Variants in SLC9C2 observed in about 807,000 individuals in gnomAD.
SLC9C2 encodes the protein solute carrier family 9 member C2 (putative).
In SLC9C2, 75 loss-of-function variants were observed where a neutral mutation model predicts 140.2. That is an observed-to-expected ratio of 0.53 (90% CI 0.44 to 0.65). The LOEUF is 0.65. SLC9C2 is among the 30% of genes least tolerant of loss of function. The pLI is 0.00. For synonymous variants in SLC9C2, 375 were observed against 420.9 expected, an observed-to-expected ratio of 0.89 and a Z score of 1.34; for missense variants, 1,074 against 1,331.8, an observed-to-expected ratio of 0.81 and a Z score of 3.01.
At chr1:173,539,309 T>A (rs1662202629) in intron 13 of SLC9C2, among the ~76,000 whole-genome samples, 1 of 152,184 alleles carries the variant, frequency 6.6e-6, no homozygotes, top group Admixed American at 6.5e-5. Context: ...AGGGGACCAA[T>A]TGAAAGTTAT....
intron 13 of SLC9C2, 100 bp from the exon 14 acceptor site, chr1:173,537,139 T>C: frequency 3.6e-6 from 3 of 826,186 alleles, no homozygotes; most frequent in Non-Finnish European, 5.9e-6. Context: ...CTGAACTCAA[T>C]ATATCAAAAT....
chr1:173,546,497 C>G (rs965678330), intron 13 of SLC9C2, among the ~76,000 whole-genome samples: 26 of 152,358 alleles, frequency 1.7e-4, no homozygotes, highest in Admixed American at 1.0e-3. Context: ...ACAAGAATCT[C>G]TTGAACCCAG....
chr1:173,598,409 G>A (rs1645299189), intron 3 of SLC9C2, among the ~76,000 whole-genome samples: 1 of 152,150 alleles, frequency 6.6e-6, no homozygotes, highest in African/African-American at 2.4e-5. Flanking sequence ...CTTTAGATGA[G>A]GGAAAGAATC....
intron 5 of SLC9C2, 39 bp from the exon 6 acceptor site, chr1:173,583,661 A>C (rs200227464): frequency 7.9e-6 from 8 of 1,017,102 alleles, no homozygotes; most frequent in East Asian, 5.2e-5. Flanking sequence ...AATATGCTAC[A>C]TGAAAATAAT....
intron 10 of SLC9C2, among the ~76,000 whole-genome samples, chr1:173,555,724 G>A (rs1449649880): frequency 1.3e-5 from 2 of 152,116 alleles, no homozygotes; most frequent in Non-Finnish European, 2.9e-5. Context: ...CAAAACCACT[G>A]GTTATTTGAA....
At chr1:173,503,754 C>T (rs1659441689) in intron 26 of SLC9C2, among the ~76,000 whole-genome samples, 1 of 152,134 alleles carries the variant, frequency 6.6e-6, no homozygotes, top group African/African-American at 2.4e-5. Flanking sequence ...ACATTTGTTT[C>T]TACTTGGCAA....
chr1:173,534,711 T>A (rs1661819681), intron 15 of SLC9C2, 29 bp from the exon 16 acceptor site: 1 of 1,398,614 alleles, frequency 7.1e-7, no homozygotes, highest in South Asian at 1.5e-5. Context: ...AAATGTTAGA[T>A]CACTTAAAAG....
intron 18 of SLC9C2, among the ~76,000 whole-genome samples, chr1:173,529,399 T>G (rs1449949623): frequency 1.3e-5 from 2 of 152,058 alleles, no homozygotes; most frequent in Non-Finnish European, 2.9e-5. Context: ...TAGGCTCCCA[T>G]CTAGTACTTA....
At chr1:173,599,361 G>GTTTTTTTTTTT (rs1558103752) in intron 3 of SLC9C2, among the ~76,000 whole-genome samples, 1 of 50,382 alleles carries the variant, frequency 2.0e-5, no homozygotes, top group African/African-American at 7.5e-5. Context: ...CATTTTCCTT[G>GTTTTTTTTTTT]ATTTTTTTTT....
intron 9 of SLC9C2, among the ~76,000 whole-genome samples, chr1:173,564,495 C>G (rs1351988035): frequency 6.6e-6 from 1 of 152,130 alleles, no homozygotes; most frequent in Non-Finnish European, 1.5e-5. Flanking sequence ...GCCATCTGTA[C>G]GTCTTCTTTA....
Position 173,564,737 on chromosome 1 carries a change from A to C in SLC9C2, c.1047-7229T>G, listed in dbSNP as rs752169843. ...ACTGCAAGCTCTGCCTCCCGGGTTCATGCCATTCTCCTGCCTCAGCCTCCC... is the reference window on the plus strand; with the variant it reads ...ACTGCAAGCTCTGCCTCCCGGGTTCCTGCCATTCTCCTGCCTCAGCCTCCC... On this transcript the variant is annotated intron_variant, in intron 9 of 27. Coordinates refer to ENST00000367714, the MANE Select transcript of SLC9C2 (RefSeq NM_178527.4). Among the ~76,000 whole-genome samples, 232 of 144,576 alleles carry C rather than the reference A, an allele frequency of 1.6e-3. 1 individual carries two copies. The highest frequency in any genetic ancestry group is 5.1e-4 in the Non-Finnish European group (34 of 66,994). 94.8% of individuals were successfully genotyped at this position (144,576 alleles called of 152,430 possible).
intron 8 of SLC9C2, among the ~76,000 whole-genome samples, chr1:173,575,983 A>G (rs539644157): frequency 6.6e-6 from 1 of 152,366 alleles, no homozygotes; most frequent in African/African-American, 2.4e-5. Flanking sequence ...TAGAACGGAC[A>G]TAATTTCATA....
At chr1:173,581,179 G>T (rs1259582826) in intron 7 of SLC9C2, among the ~76,000 whole-genome samples, 1 of 152,190 alleles carries the variant, frequency 6.6e-6, no homozygotes, top group Non-Finnish European at 1.5e-5. Flanking sequence ...TTGCTTCACT[G>T]TCTGAGATGA....
At chr1:173,505,958 G>A (rs1312825844) in intron 25 of SLC9C2, among the ~76,000 whole-genome samples, 2 of 151,990 alleles carry the variant, frequency 1.3e-5, no homozygotes, top group African/African-American at 4.8e-5. Context: ...CCAAACCCTG[G>A]TCTCTTAAGA....
intron 13 of SLC9C2, among the ~76,000 whole-genome samples, chr1:173,538,306 T>C (rs1662120658): frequency 6.6e-6 from 1 of 152,224 alleles, no homozygotes; most frequent in Non-Finnish European, 1.5e-5. Context: ...AGTTCAGTCC[T>C]GAGGCCTACC....
chr1:173,534,479 A>G lies in SLC9C2; in HGVS notation c.1974+5T>C, dbSNP rs189145027. On this transcript the variant is annotated splice_donor_5th_base_variant and intron_variant, in intron 16 of 27. Transcript: ENST00000367714. ...TATAGATTCTATTTCTATTTTAAACAGTACCTTCAATGTTGATTCTAATAC... is the reference window on the plus strand; with the variant it reads ...TATAGATTCTATTTCTATTTTAAACGGTACCTTCAATGTTGATTCTAATAC... The G allele has an allele frequency of 2.2e-4, 342 of 1,557,116 alleles. 2 individuals carry two copies. The East Asian group carries it at 7.2e-3, about 33-fold the overall frequency.
Position 173,533,888 on chromosome 1 carries a change from C to T in SLC9C2, c.1975-91G>A. 1.5e-6 allele frequency: 2 copies of T among 1,340,676 alleles called. 1 individual carries two copies. Among genetic ancestry groups the T allele is most frequent in the South Asian group, 3.4e-5 (2 of 59,578 alleles). 83.0% of individuals were successfully genotyped at this position (1,340,676 alleles called of 1,614,324 possible). ...AAATTAACAACTAAGTTCTTAACTACAAATGAGTTATATTCCGAAAGTTGA... is the reference window on the plus strand; with the variant it reads ...AAATTAACAACTAAGTTCTTAACTATAAATGAGTTATATTCCGAAAGTTGA... On this transcript the variant is annotated intron_variant, in intron 16 of 27. Coordinates refer to ENST00000367714, the MANE Select transcript of SLC9C2 (RefSeq NM_178527.4).
intron 11 of SLC9C2, among the ~76,000 whole-genome samples, chr1:173,550,937 GGA>G (rs1663258077): frequency 6.7e-6 from 1 of 149,684 alleles, no homozygotes; most frequent in African/African-American, 2.5e-5. Context: ...GGAGGGGAGG[GGA>G]GGGGAGGGGA....
intron 9 of SLC9C2, among the ~76,000 whole-genome samples, chr1:173,561,124 T>G (rs1041419854): frequency 1.3e-5 from 2 of 152,224 alleles, no homozygotes; most frequent in African/African-American, 2.4e-5. Flanking sequence ...GCCTCCCATA[T>G]GAAGCTTATC....
Sources: gnomAD v4.1 joint callset for allele counts (sites outside exome capture counted in the v4.1 genomes callset) on GRCh38, gnomAD v4.1.1 for gene constraint, MANE v1.5 for transcripts, NCBI Gene and HGNC (gene_info 2026-07-23, HGNC 2026-07-21) for gene names.